Variants in CEP85L observed in about 807,000 individuals in gnomAD.
CEP85L encodes the protein centrosomal protein 85L, also known as centrosomal protein of 85 kDa-like.
Under a neutral mutation model 100.3 loss-of-function variants are expected in CEP85L, and 60 were observed. That is an observed-to-expected ratio of 0.60 (90% CI 0.49 to 0.74). The LOEUF is 0.74. Ranked by LOEUF, CEP85L falls within the 30% of genes least tolerant of loss-of-function variation. CEP85L has a pLI of 0.00. For synonymous variants in CEP85L, 319 were observed against 322.7 expected (o/e 0.99, Z 0.12); for missense variants, 973 against 936.2 (o/e 1.04, Z -0.51).
chr6:118,523,123 T>A (rs1776759875), intron 4 of CEP85L, among the ~76,000 whole-genome samples: 1 of 152,184 alleles, frequency 6.6e-6, no homozygotes, highest in Non-Finnish European at 1.5e-5. Context: ...AAAAGCCTCC[T>A]GGAATTGCTT....
intron 2 of CEP85L, among the ~76,000 whole-genome samples, chr6:118,590,044 TACACACAC>T (rs58587419): frequency 1.3e-5 from 2 of 150,214 alleles, no homozygotes; most frequent in African/African-American, 4.9e-5. Flanking sequence ...TCTCTGCATT[TACACACAC>T]ACACACACAC....
chr6:118,637,674 C>A (rs1156438474), intron 1 of CEP85L, among the ~76,000 whole-genome samples: 2 of 135,212 alleles, frequency 1.5e-5, no homozygotes, highest in African/African-American at 5.7e-5. Context: ...CCACTACACT[C>A]CAGCCTGGGT....
intron 2 of CEP85L, among the ~76,000 whole-genome samples, chr6:118,609,997 G>A (rs367960462): frequency 1.6e-4 from 24 of 150,804 alleles, no homozygotes; most frequent in East Asian, 1.2e-3. Flanking sequence ...GAAGAGAGAC[G>A]CAAAAAAAAA....
intron 2 of CEP85L, among the ~76,000 whole-genome samples, chr6:118,631,354 C>T (rs1774132426): frequency 6.6e-6 from 1 of 152,140 alleles, no homozygotes; most frequent in Non-Finnish European, 1.5e-5. Flanking sequence ...AAAACTAGAT[C>T]ACTTATACAT....
At chr6:118,641,629 A>G (rs978175106) in intron 1 of CEP85L, among the ~76,000 whole-genome samples, 3 of 152,296 alleles carry the variant, frequency 2.0e-5, no homozygotes, top group Admixed American at 6.5e-5. Flanking sequence ...TGGCTGGTTA[A>G]GCAGATTTGC....
chr6:118,597,893 A>G (rs1781535927), intron 2 of CEP85L, among the ~76,000 whole-genome samples: 1 of 152,210 alleles, frequency 6.6e-6, no homozygotes, highest in Admixed American at 6.5e-5. Context: ...CAAACTGAGG[A>G]AGGCTAGTTC....
intron 1 of CEP85L, among the ~76,000 whole-genome samples, chr6:118,698,947 T>A (rs1316355923): frequency 6.6e-6 from 1 of 152,076 alleles, no homozygotes; most frequent in Non-Finnish European, 1.5e-5. Context: ...GGTCAGAGGG[T>A]CAGTGTCAGA....
intron 2 of CEP85L, among the ~76,000 whole-genome samples, chr6:118,630,772 C>G (rs1458710256): frequency 3.3e-5 from 5 of 152,200 alleles, no homozygotes; most frequent in Non-Finnish European, 7.3e-5. Flanking sequence ...CTGTTGGGAG[C>G]CCAGCTGCAC....
intron 3 of CEP85L, among the ~76,000 whole-genome samples, chr6:118,533,200 C>T (rs887089159): frequency 6.6e-6 from 1 of 151,888 alleles, no homozygotes; most frequent in Non-Finnish European, 1.5e-5. Context: ...TAAGCTAGTT[C>T]ATTGAGACAA....
chr6:118,612,439 T>C (rs977222717), intron 2 of CEP85L, among the ~76,000 whole-genome samples: 2 of 149,312 alleles, frequency 1.3e-5, no homozygotes, highest in African/African-American at 4.9e-5. Flanking sequence ...GGGTGGATCA[T>C]GAGGTCAGGA....
chr6:118,495,010 C>A (rs542986927), intron 5 of CEP85L, among the ~76,000 whole-genome samples: 1 of 151,792 alleles, frequency 6.6e-6, no homozygotes, highest in South Asian at 2.1e-4. Flanking sequence ...AGATTGAGAA[C>A]ACTAACAGAA....
chr6:118,600,300 G>GTGTGTGTGTGTGT lies in CEP85L; in HGVS notation c.232+32152_232+32153insACACACACACACA, dbSNP rs1554228039. Among the ~76,000 whole-genome samples the GTGTGTGTGTGTGT allele has an allele frequency of 2.9e-3, 152 of 52,238 alleles. 31 individuals carry two copies. Among genetic ancestry groups the GTGTGTGTGTGTGT allele is most frequent in the Admixed American group, 5.0e-3 (24 of 4,838 alleles). 34.3% of individuals were successfully genotyped at this position (52,238 alleles called of 152,430 possible). A position where few individuals can be genotyped will look rare whatever the true frequency, so the allele number is the denominator to read the frequency against. On this transcript the variant is annotated intron_variant, in intron 2 of 12. Coordinates refer to ENST00000368491, the MANE Select transcript of CEP85L (RefSeq NM_001042475.3). Reference sequence around the variant, plus strand: ...CTGCCTGTCCCTGAGCCTTCCTGGGGGTGTGTGTGTGTGTGTGTGTGTGTG... The same window carrying GTGTGTGTGTGTGT: ...CTGCCTGTCCCTGAGCCTTCCTGGGGTGTGTGTGTGTGTGTGTGTGTGTGTGTGTGTGTGTGTG...
chr6:118,521,610 T>C (rs1365140450), intron 4 of CEP85L, among the ~76,000 whole-genome samples: 3 of 152,146 alleles, frequency 2.0e-5, no homozygotes, highest in African/African-American at 4.8e-5. Flanking sequence ...TAACAGAATA[T>C]AATGGAAGTG....
At chr6:118,636,653 G>A (rs908742693) in intron 1 of CEP85L, among the ~76,000 whole-genome samples, 5 of 152,114 alleles carry the variant, frequency 3.3e-5, no homozygotes, top group Non-Finnish European at 5.9e-5. Context: ...CCAGCTGAAG[G>A]CCTGAACACA....
At chr6:118,521,769 G>C (rs1776682559) in intron 4 of CEP85L, among the ~76,000 whole-genome samples, 1 of 151,950 alleles carries the variant, frequency 6.6e-6, no homozygotes, top group African/African-American at 2.4e-5. Flanking sequence ...ATCCTGCCGT[G>C]GCCCATCCTA....
intron 2 of CEP85L, among the ~76,000 whole-genome samples, chr6:118,581,479 T>C (rs1157594860): frequency 2.0e-5 from 3 of 151,592 alleles, no homozygotes; most frequent in African/African-American, 4.8e-5. Context: ...CAAAGGGAAA[T>C]AACAAGCAGA....
At chr6:118,507,806 G>A (rs962666100) in intron 5 of CEP85L, among the ~76,000 whole-genome samples, 1 of 152,078 alleles carries the variant, frequency 6.6e-6, no homozygotes, top group African/African-American at 2.4e-5. Context: ...ACTTCCTACA[G>A]GAAGCCTGGC....
Position 118,651,519 on chromosome 6 carries a change from G to C in CEP85L, c.-250C>G. On this transcript the variant is annotated 5_prime_UTR_variant, in exon 1 of 13. Coordinates refer to ENST00000368491, the MANE Select transcript of CEP85L (RefSeq NM_001042475.3). Reference sequence around the variant, plus strand: ...CGCGCCGGGGAAGCGGCGACTCGGCGGTGACGGCTGCTAGATCCCCGGCTG... The same window carrying C: ...CGCGCCGGGGAAGCGGCGACTCGGCCGTGACGGCTGCTAGATCCCCGGCTG... 7.8e-7 allele frequency: 1 copy of C among 1,275,332 alleles called. No individual in the cohort carries two copies. The highest frequency in any genetic ancestry group is 9.9e-7 in the Non-Finnish European group (1 of 1,011,762). The allele number at this position is 1,275,332 out of a possible 1,614,324, so 79.0% of individuals were successfully genotyped here.
chr6:118,470,705 CAGAA>C, intron 10 of CEP85L, 61 bp from the exon 11 acceptor site: 1 of 912,054 alleles, frequency 1.1e-6, no homozygotes, highest in Non-Finnish European at 1.7e-6. Context: ...AAATCTCAAA[CAGAA>C]AGAAGTAGGA....
Sources: gnomAD v4.1 joint callset for allele counts (sites outside exome capture counted in the v4.1 genomes callset) on GRCh38, gnomAD v4.1.1 for gene constraint, MANE v1.5 for transcripts, NCBI Gene and HGNC (gene_info 2026-07-23, HGNC 2026-07-21) for gene names.